PIK3C2G: variants seen among roughly 807,000 people sequenced by gnomAD.
PIK3C2G encodes the protein phosphatidylinositol 3-kinase C2 domain-containing subunit gamma.
A neutral mutation model predicts 181.1 loss-of-function variants in PIK3C2G; 168 were observed. The observed-to-expected ratio is 0.93, with a 90% CI of 0.82 to 1.05. The LOEUF (loss-of-function observed/expected upper bound fraction) is 1.05. Ranked by LOEUF, PIK3C2G falls within the 50% of genes least tolerant of loss-of-function variation. The pLI is 0.00. For synonymous variants in PIK3C2G, 573 were observed against 592.2 expected, an observed-to-expected ratio of 0.97 and a Z score of 0.47; for missense variants, 1,869 against 1,732.8, an observed-to-expected ratio of 1.08 and a Z score of -1.40.
chr12:18,531,200 C>T (rs1943535900), intron 24 of PIK3C2G, among the ~76,000 whole-genome samples: 1 of 152,082 alleles, frequency 6.6e-6, no homozygotes, highest in Non-Finnish European at 1.5e-5. Context: ...TCATCTCACT[C>T]TACAGTTTCC....
intron 30 of PIK3C2G, among the ~76,000 whole-genome samples, chr12:18,599,265 A>T (rs537247719): frequency 2.3e-4 from 35 of 152,216 alleles, no homozygotes; most frequent in Middle Eastern, 3.4e-3. Flanking sequence ...CCAACAATGA[A>T]AGACTGGATT....
chr12:18,634,603 C>G (rs1413661002), intron 31 of PIK3C2G, among the ~76,000 whole-genome samples: 1 of 152,152 alleles, frequency 6.6e-6, no homozygotes, highest in Non-Finnish European at 1.5e-5. Context: ...GTGTCAGTCT[C>G]TGCTGTTGAC....
intron 18 of PIK3C2G, among the ~76,000 whole-genome samples, chr12:18,458,744 T>G (rs1468659092): frequency 6.6e-6 from 1 of 151,602 alleles, no homozygotes; most frequent in African/African-American, 2.4e-5. Context: ...CAAGCAGAAT[T>G]TAATGCAAGG....
chr12:18,294,991 T>C (rs950488428), intron 5 of PIK3C2G, among the ~76,000 whole-genome samples: 1 of 135,526 alleles, frequency 7.4e-6, no homozygotes, highest in Non-Finnish European at 1.7e-5. Context: ...GTGTTAACAG[T>C]GAATGGCCTT....
At chr12:18,601,150 A>G (rs1371936448) in intron 30 of PIK3C2G, among the ~76,000 whole-genome samples, 1 of 152,046 alleles carries the variant, frequency 6.6e-6, no homozygotes, top group Non-Finnish European at 1.5e-5. Context: ...TATTAGTACT[A>G]TACATAATAT....
intron 1 of PIK3C2G, among the ~76,000 whole-genome samples, chr12:18,262,611 T>A (rs1948296180): frequency 7.4e-6 from 1 of 135,234 alleles, no homozygotes; most frequent in South Asian, 2.6e-4. Flanking sequence ...ATGAGTGAGC[T>A]GACAAAAAAA....
intron 31 of PIK3C2G, among the ~76,000 whole-genome samples, chr12:18,611,588 A>G (rs1948340319): frequency 6.6e-6 from 1 of 152,118 alleles, no homozygotes; most frequent in African/African-American, 2.4e-5. Flanking sequence ...TATAAGTATA[A>G]TAAGTGTCTC....
chr12:18,313,818 ACACACACACACG>A, intron 5 of PIK3C2G, 132 bp from the exon 6 acceptor site: 2 of 536,570 alleles, frequency 3.7e-6, no homozygotes, highest in East Asian at 3.2e-5. Flanking sequence ...ACACACACAC[ACACACACACACG>A]CACACACACG....
At chr12:18,687,507 C>A in the PIK3C2G span, among the ~76,000 whole-genome samples, 1 of 152,076 alleles carries the variant, frequency 6.6e-6, no homozygotes, top group East Asian at 1.9e-4. Flanking sequence ...AATGGCAATG[C>A]CAGTACTATA....
At chr12:18,378,624 A>T (rs143654014) in intron 13 of PIK3C2G, among the ~76,000 whole-genome samples, 1 of 152,260 alleles carries the variant, frequency 6.6e-6, no homozygotes. Context: ...CTCATCTGAC[A>T]AAGGGCTAAT....
chr12:18,594,528 C>A lies in PIK3C2G; in HGVS notation c.4046C>A (p.Ala1349Asp). 1 of 1,556,480 alleles carries A rather than the reference C, an allele frequency of 6.4e-7. No homozygotes were observed. Residue 1349 changes from alanine to aspartate, a missense_variant, in exon 30 of 33, where the codon GCT becomes GAT. Coordinates refer to ENST00000538779, the MANE Select transcript of PIK3C2G (RefSeq NM_001288772.2). ...DCVLSFFLSE[A>D]VQQTVEESSP... ...GTACTTAGCTTTTTCCTCTCTGAGG[C>A]TGTGCAACAAACAGTTGAAGAATCA... is the stretch of plus-strand genomic sequence containing the variant.
chr12:18,487,231 C>G (rs1940141329), intron 18 of PIK3C2G, among the ~76,000 whole-genome samples: 1 of 151,542 alleles, frequency 6.6e-6, no homozygotes, highest in African/African-American at 2.4e-5. Flanking sequence ...AAGTTGGCTT[C>G]TAATAATGAC....
At chr12:18,400,798 T>C (rs1359061655) in intron 16 of PIK3C2G, among the ~76,000 whole-genome samples, 1 of 152,124 alleles carries the variant, frequency 6.6e-6, no homozygotes, top group Non-Finnish European at 1.5e-5. Flanking sequence ...CTCCTCACTT[T>C]GAAGATTTTA....
At chr12:18,332,361 G>C (rs1938063585) in intron 8 of PIK3C2G, among the ~76,000 whole-genome samples, 1 of 152,024 alleles carries the variant, frequency 6.6e-6, no homozygotes, top group Non-Finnish European at 1.5e-5. Flanking sequence ...TTTGGCAGTG[G>C]GGACAAGGAG....
chr12:18,357,789 A>G (rs564022453), intron 11 of PIK3C2G, among the ~76,000 whole-genome samples: 2 of 152,306 alleles, frequency 1.3e-5, no homozygotes, highest in Admixed American at 6.5e-5. Context: ...TTCCTTTTCT[A>G]TCTCCAAGTG....
intron 3 of PIK3C2G, among the ~76,000 whole-genome samples, chr12:18,289,415 G>A (rs1253249297): frequency 6.6e-6 from 1 of 152,194 alleles, no homozygotes; most frequent in Admixed American, 6.5e-5. Context: ...TAAAATGGTA[G>A]AAGCTGAAAT....
rs1253277791 is a variant in PIK3C2G, at chr12:18,626,445, C to T, written c.4183-13984C>T. Reference sequence around the variant, plus strand: ...GTGCCTGGGATAATATTACTTTACACACCACCGTTATAGTCTTAAGAGTGT... The same window carrying T: ...GTGCCTGGGATAATATTACTTTACATACCACCGTTATAGTCTTAAGAGTGT... On this transcript the variant is annotated intron_variant, in intron 31 of 32. Transcript: ENST00000538779. Among the ~76,000 whole-genome samples the T allele has an allele frequency of 5.3e-5, 8 of 152,052 alleles. No individual in the cohort carries two copies. The South Asian group carries it at 6.2e-4, about 12-fold the overall frequency.
chr12:18,258,451 A>C (rs1948170514), upstream of PIK3C2G, among the ~76,000 whole-genome samples: 4 of 152,164 alleles, frequency 2.6e-5, no homozygotes, highest in South Asian at 6.2e-4. Context: ...TCCCTCCCAC[A>C]GCTTCTGGTG....
At chr12:18,473,674 T>A (rs1938679517) in intron 18 of PIK3C2G, among the ~76,000 whole-genome samples, 1 of 152,196 alleles carries the variant, frequency 6.6e-6, no homozygotes, top group South Asian at 2.1e-4. Flanking sequence ...CCTGCTGAAT[T>A]GATTCTGTTA....
Sources: gnomAD v4.1 joint callset for allele counts (sites outside exome capture counted in the v4.1 genomes callset) on GRCh38, gnomAD v4.1.1 for gene constraint, MANE v1.5 for transcripts, NCBI Gene and HGNC (gene_info 2026-07-23, HGNC 2026-07-21) for gene names.